Variants in CCDC102B observed in about 807,000 individuals in gnomAD.
CCDC102B encodes coiled-coil domain-containing protein 102B.
In CCDC102B, 75 loss-of-function variants were observed where a neutral mutation model predicts 57.4. The ratio of observed to expected loss-of-function variants is 1.31; its 90% CI spans 1.08 to 1.58. The LOEUF (loss-of-function observed/expected upper bound fraction) is 1.58, where lower values mean the gene tolerates loss of function less well. CCDC102B is among the 40% of genes most tolerant of loss of function. The probability of loss-of-function intolerance (pLI) is 0.00; values close to 1 mark genes in which losing one functional copy is unlikely to be tolerated. For missense variants in CCDC102B, 636 were observed against 582.6 expected (o/e 1.09, Z -0.94); for synonymous variants, 206 against 201.9 (o/e 1.02, Z -0.17).
intron 7 of CCDC102B, among the ~76,000 whole-genome samples, chr18:69,030,201 TA>T (rs1568136095): frequency 6.6e-6 from 1 of 152,212 alleles, no homozygotes; most frequent in African/African-American, 2.4e-5. Context: ...AAAATATTTT[TA>T]AAAATTACTC....
chr18:68,911,792 C>T (rs995266047), intron 6 of CCDC102B, among the ~76,000 whole-genome samples: 1 of 135,464 alleles, frequency 7.4e-6, no homozygotes, highest in African/African-American at 2.9e-5. Context: ...AAAAAAATAC[C>T]TAATAGGTAC....
intron 2 of CCDC102B, among the ~76,000 whole-genome samples, chr18:68,838,083 A>G (rs2037464494): frequency 1.3e-5 from 2 of 152,198 alleles, no homozygotes; most frequent in Admixed American, 1.3e-4. Context: ...GGGCAAATTT[A>G]AATTGTAGGC....
chr18:68,862,073 C>T (rs2144884761), intron 4 of CCDC102B, among the ~76,000 whole-genome samples: 1 of 152,212 alleles, frequency 6.6e-6, no homozygotes, highest in African/African-American at 2.4e-5. Flanking sequence ...ACATAAAGTA[C>T]CACACATCAT....
At chr18:68,771,966 A>G (rs948196452) in intron 2 of CCDC102B, among the ~76,000 whole-genome samples, 2 of 152,106 alleles carry the variant, frequency 1.3e-5, no homozygotes, top group African/African-American at 4.8e-5. Context: ...TTAGGTAAAT[A>G]GGTCTTTCCT....
At chr18:68,988,758 C>T (rs1168155562) in intron 6 of CCDC102B, among the ~76,000 whole-genome samples, 1 of 152,112 alleles carries the variant, frequency 6.6e-6, no homozygotes, top group Non-Finnish European at 1.5e-5. Context: ...GTGCAAGAAA[C>T]ATTGTACCAT....
intron 5 of CCDC102B, among the ~76,000 whole-genome samples, chr18:68,890,256 G>A (rs2040027402): frequency 6.6e-6 from 1 of 150,996 alleles, no homozygotes; most frequent in Non-Finnish European, 1.5e-5. Flanking sequence ...TTGTTTTTGA[G>A]ACAGGGTCTC....
chr18:68,718,767 G>C (rs73454074), intron 2 of CCDC102B, among the ~76,000 whole-genome samples: 1 of 152,028 alleles, frequency 6.6e-6, no homozygotes, highest in African/African-American at 2.4e-5. Flanking sequence ...TGACCCAGTG[G>C]GGCCCATCAA....
intron 5 of CCDC102B, among the ~76,000 whole-genome samples, chr18:68,877,388 G>T (rs187027356): frequency 1.3e-5 from 2 of 152,156 alleles, no homozygotes; most frequent in Non-Finnish European, 2.9e-5. Context: ...AGCTACTTGC[G>T]ATCTTTAATA....
chr18:68,790,072 T>A (rs1320204771), intron 2 of CCDC102B, among the ~76,000 whole-genome samples: 2 of 147,880 alleles, frequency 1.4e-5, no homozygotes, highest in African/African-American at 2.6e-5. Flanking sequence ...GCTGCAGGTC[T>A]GTTGGAATAC....
At chr18:69,046,112 C>T (rs1159409203) in intron 7 of CCDC102B, among the ~76,000 whole-genome samples, 1 of 152,030 alleles carries the variant, frequency 6.6e-6, no homozygotes, top group African/African-American at 2.4e-5. Flanking sequence ...TGAGTATATA[C>T]CCAACAATGG....
intron 4 of CCDC102B, among the ~76,000 whole-genome samples, chr18:68,856,211 A>C (rs2038378129): frequency 6.6e-6 from 1 of 152,198 alleles, no homozygotes; most frequent in Admixed American, 6.5e-5. Flanking sequence ...TATTTAATTA[A>C]GAAATAAATT....
At position 69,015,001 on chromosome 18, in the gene CCDC102B, G is replaced by GTA. The variant is rs2051625936; in HGVS notation, c.1434+3898_1434+3899insAT. On this transcript the variant is annotated intron_variant, in intron 7 of 7. Transcript: ENST00000360242. Reference sequence around the variant, plus strand: ...AGAGTGTGTGTGTGTGTGTGTGTGTGTGAAAGAGAAAGAGAAAAAGAGAGA... The same window carrying GTA: ...AGAGTGTGTGTGTGTGTGTGTGTGTGTATGAAAGAGAAAGAGAAAAAGAGAGA... Among the ~76,000 whole-genome samples the GTA allele has an allele frequency of 7.9e-5, 12 of 151,740 alleles. No individual in the cohort carries two copies. In the South Asian group the frequency reaches 2.1e-3, roughly 26 times the overall value.
At chr18:68,869,045 A>C (rs985961523) in intron 4 of CCDC102B, among the ~76,000 whole-genome samples, 15 of 151,758 alleles carry the variant, frequency 9.9e-5, no homozygotes, top group Admixed American at 9.8e-4. Context: ...AAGATTTCTG[A>C]CCTTATCAGC....
At chr18:68,920,965 T>C (rs2041256801) in intron 6 of CCDC102B, among the ~76,000 whole-genome samples, 1 of 152,254 alleles carries the variant, frequency 6.6e-6, no homozygotes, top group Admixed American at 6.5e-5. Flanking sequence ...AGCAGTGGTA[T>C]ATGGGCCAAA....
intron 7 of CCDC102B, among the ~76,000 whole-genome samples, chr18:69,037,076 T>A (rs2052316013): frequency 6.6e-6 from 1 of 151,700 alleles, no homozygotes; most frequent in South Asian, 2.1e-4. Flanking sequence ...TACACGCACA[T>A]ACACATTACT....
chr18:68,853,704 C>G (rs1159822851), intron 4 of CCDC102B, among the ~76,000 whole-genome samples: 1 of 54,274 alleles, frequency 1.8e-5, no homozygotes, highest in Non-Finnish European at 4.5e-5. Flanking sequence ...AAAAAAAAAT[C>G]TGACTCAATG....
chr18:68,727,386 A>G (rs1467408590), intron 2 of CCDC102B, among the ~76,000 whole-genome samples: 2 of 152,200 alleles, frequency 1.3e-5, no homozygotes, highest in Non-Finnish European at 2.9e-5. Flanking sequence ...ATACAGCCCC[A>G]ATAATTGGAG....
At chr18:68,804,596 G>T (rs2035968705) in intron 1 of CCDC102B, among the ~76,000 whole-genome samples, 1 of 152,024 alleles carries the variant, frequency 6.6e-6, no homozygotes, top group Admixed American at 6.6e-5. Context: ...GAGAGAGGAT[G>T]CCCTCAGAAG....
At chr18:68,907,681 A>G (rs1423360899) in intron 6 of CCDC102B, among the ~76,000 whole-genome samples, 1 of 152,076 alleles carries the variant, frequency 6.6e-6, no homozygotes, top group East Asian at 1.9e-4. Flanking sequence ...GCTGTAGTAA[A>G]TTTCTTTTTC....
Sources: allele counts gnomAD v4.1 joint callset (sites outside exome capture counted in the v4.1 genomes callset), GRCh38; gene constraint gnomAD v4.1.1; transcripts MANE v1.5; gene names NCBI Gene and HGNC (gene_info 2026-07-23, HGNC 2026-07-21).